PLXDC2: variants seen among roughly 807,000 people sequenced by gnomAD.
PLXDC2 encodes plexin domain containing 2.
Under a neutral mutation model 68.9 loss-of-function variants are expected in PLXDC2, and 40 were observed. That is an observed-to-expected ratio of 0.58 (90% CI 0.45 to 0.76). PLXDC2 has a LOEUF of 0.76. PLXDC2 is among the 30% of genes least tolerant of loss of function. The probability of loss-of-function intolerance (pLI) is 0.00; values close to 1 mark genes in which losing one functional copy is unlikely to be tolerated. For missense variants in PLXDC2, 644 were observed against 661.9 expected, an observed-to-expected ratio of 0.97 and a Z score of 0.30; for synonymous variants, 243 against 234.2, an observed-to-expected ratio of 1.04 and a Z score of -0.34.
chr10:20,175,448 A>T (rs1049819381), intron 7 of PLXDC2, among the ~76,000 whole-genome samples: 1 of 152,178 alleles, frequency 6.6e-6, no homozygotes, highest in Non-Finnish European at 1.5e-5. Flanking sequence ...TTGGGAGACC[A>T]AAGTAGGAGG....
intron 4 of PLXDC2, among the ~76,000 whole-genome samples, chr10:20,091,172 A>T (rs1279381868): frequency 6.6e-6 from 1 of 152,172 alleles, no homozygotes; most frequent in Non-Finnish European, 1.5e-5. Context: ...CTGAGGCCCT[A>T]CATGGGCAGT....
At chr10:19,850,525 A>G (rs1044816617) in intron 1 of PLXDC2, among the ~76,000 whole-genome samples, 1 of 152,156 alleles carries the variant, frequency 6.6e-6, no homozygotes, top group Non-Finnish European at 1.5e-5. Flanking sequence ...TGCTAAAAAG[A>G]TTAGTATCTC....
intron 1 of PLXDC2, among the ~76,000 whole-genome samples, chr10:19,853,308 T>G (rs189445987): frequency 2.0e-5 from 3 of 152,360 alleles, no homozygotes; most frequent in East Asian, 1.9e-4. Flanking sequence ...GAACATTATT[T>G]TCTCTTTGCT....
intron 1 of PLXDC2, among the ~76,000 whole-genome samples, chr10:19,915,855 CA>C (rs200373229): frequency 1.6e-5 from 2 of 127,936 alleles, no homozygotes; most frequent in Admixed American, 7.5e-5. Flanking sequence ...CATGTTAAAC[CA>C]AAAAAAAAGA....
chr10:19,817,037 G>A lies in PLXDC2; in HGVS notation c.-43G>A, dbSNP rs1288937178. On this transcript the variant is annotated 5_prime_UTR_variant, in exon 1 of 14. Coordinates refer to ENST00000377252, the MANE Select transcript of PLXDC2 (RefSeq NM_032812.9). ...ATTGCATCGGGAGCCCCCGAGCACCGGCGAAGGACTGGCGGGTGGGGTAGG... is the reference window on the plus strand; with the variant it reads ...ATTGCATCGGGAGCCCCCGAGCACCAGCGAAGGACTGGCGGGTGGGGTAGG... The A allele has an allele frequency of 6.8e-7, 1 of 1,478,502 alleles. No individual in the cohort carries two copies. Among genetic ancestry groups the A allele is most frequent in the Admixed American group, 2.0e-5 (1 of 50,436 alleles). The allele number at this position is 1,478,502 out of a possible 1,614,324, so 91.6% of individuals were successfully genotyped here.
intron 1 of PLXDC2, among the ~76,000 whole-genome samples, chr10:19,953,179 T>C (rs1293802943): frequency 6.6e-6 from 1 of 152,240 alleles, no homozygotes; most frequent in Non-Finnish European, 1.5e-5. Context: ...TTTCTGATAT[T>C]ATAGCCATCG....
chr10:19,903,322 CT>C (rs59736805), intron 1 of PLXDC2, among the ~76,000 whole-genome samples: 227 of 138,942 alleles, frequency 1.6e-3, no homozygotes, highest in Admixed American at 1.9e-3. Flanking sequence ...TTTTTGTTGG[CT>C]TTTTTTTTTT....
At chr10:20,131,231 C>A (rs1423856005) in intron 4 of PLXDC2, among the ~76,000 whole-genome samples, 1 of 144,508 alleles carries the variant, frequency 6.9e-6, no homozygotes, top group African/African-American at 2.5e-5. Flanking sequence ...ATTTTCTATT[C>A]TATTTAGTGT....
Position 20,012,336 on chromosome 10 carries a change from G to GTTTTTTTTTTTTTTTTTTTT in PLXDC2, c.324+10350_324+10351insTTTTTTTTTTTTTTTTTTTT, listed in dbSNP as rs1564656425. Among the ~76,000 whole-genome samples, 2 of 33,158 alleles carry GTTTTTTTTTTTTTTTTTTTT rather than the reference G, an allele frequency of 6.0e-5. 1 individual carries two copies. The highest frequency in any genetic ancestry group is 1.9e-4 in the African/African-American group (2 of 10,324). 21.8% of individuals were successfully genotyped at this position (33,158 alleles called of 152,430 possible). On this transcript the variant is annotated intron_variant, in intron 2 of 13. Transcript: ENST00000377252. ...TTTTTTTTTTTTTTTTTTTTTTTTG[G>GTTTTTTTTTTTTTTTTTTTT]AGAAGGAGACTTGCTGTGTTTCCCA...
intron 4 of PLXDC2, among the ~76,000 whole-genome samples, chr10:20,135,379 G>A (rs1001840289): frequency 7.9e-5 from 12 of 152,272 alleles, no homozygotes; most frequent in East Asian, 1.9e-4. Context: ...TAGATAATCC[G>A]AAGCATTTAG....
intron 3 of PLXDC2, among the ~76,000 whole-genome samples, chr10:20,049,830 G>C (rs139994639): frequency 1.6e-3 from 239 of 152,044 alleles, no homozygotes; most frequent in African/African-American, 5.5e-3. Flanking sequence ...CAAACTACCA[G>C]TGACATTCTT....
chr10:20,012,321 TTTTTTTTTTTTTTGG>T (rs1267790446), intron 2 of PLXDC2, among the ~76,000 whole-genome samples: 19 of 19,572 alleles, frequency 9.7e-4, no homozygotes, highest in African/African-American at 1.6e-3. Context: ...TTTTTTTTTT[TTTTTTTTTTTTTTGG>T]AGAAGGAGAC....
chr10:20,038,041 G>C (rs1262685514), intron 2 of PLXDC2, among the ~76,000 whole-genome samples: 1 of 151,902 alleles, frequency 6.6e-6, no homozygotes, highest in Non-Finnish European at 1.5e-5. Context: ...TCAGGAGATT[G>C]AGGCTAACAT....
At chr10:20,119,874 GA>G (rs60852710) in intron 4 of PLXDC2, among the ~76,000 whole-genome samples, 30,575 of 151,860 alleles carry the variant, frequency 0.2, 4,089 homozygotes, top group East Asian at 0.4. Flanking sequence ...TGTATGAATT[GA>G]AAAACTAAAT....
At chr10:19,984,214 T>C (rs1302650293) in intron 1 of PLXDC2, among the ~76,000 whole-genome samples, 1 of 152,186 alleles carries the variant, frequency 6.6e-6, no homozygotes, top group East Asian at 1.9e-4. Context: ...CATTTCTGGA[T>C]GGCCACTCCA....
At position 20,010,242 on chromosome 10, in the gene PLXDC2, C is replaced by T. The variant is rs117971092; in HGVS notation, c.324+8256C>T. Among the ~76,000 whole-genome samples, 44 of 152,170 alleles carry T rather than the reference C, an allele frequency of 2.9e-4. No homozygotes were observed. In the East Asian group the frequency reaches 7.2e-3, roughly 25 times the overall value. ...CTGTGTTGCCAAAGGTTGTGTTAAC[C>T]GACAGCAAAATCTATTTCAGTCTTT... On this transcript the variant is annotated intron_variant, in intron 2 of 13. Coordinates refer to ENST00000377252, the MANE Select transcript of PLXDC2 (RefSeq NM_032812.9).
chr10:20,209,167 G>A (rs531639815), intron 9 of PLXDC2, among the ~76,000 whole-genome samples: 1 of 152,152 alleles, frequency 6.6e-6, no homozygotes, highest in African/African-American at 2.4e-5. Context: ...AATTTATTAG[G>A]TGGGAATTTC....
intron 4 of PLXDC2, among the ~76,000 whole-genome samples, chr10:20,136,873 C>G (rs1833940084): frequency 6.6e-6 from 1 of 152,152 alleles, no homozygotes; most frequent in African/African-American, 2.4e-5. Context: ...GTTTCACAAG[C>G]AATTATAGCT....
intron 1 of PLXDC2, among the ~76,000 whole-genome samples, chr10:19,884,066 AT>A (rs112223327): frequency 8.3e-4 from 110 of 133,186 alleles, no homozygotes; most frequent in African/African-American, 9.2e-4. Context: ...TAATTTTTGT[AT>A]TTTTTTTTTT....
Sources: gnomAD v4.1 joint callset for allele counts (sites outside exome capture counted in the v4.1 genomes callset) on GRCh38, gnomAD v4.1.1 for gene constraint, MANE v1.5 for transcripts, NCBI Gene and HGNC (gene_info 2026-07-23, HGNC 2026-07-21) for gene names.